The following VOPP1 variants were observed in gnomAD, a reference collection of about 807,000 sequenced individuals.
The protein encoded by VOPP1 is VOPP1 WW domain binding protein, also known as WW domain binding protein VOPP1.
A neutral mutation model predicts 23.5 loss-of-function variants in VOPP1; 8 were observed. That is an observed-to-expected ratio of 0.34 (90% CI 0.20 to 0.61). The LOEUF (loss-of-function observed/expected upper bound fraction) is 0.61. Ranked by LOEUF, VOPP1 falls within the 20% of genes least tolerant of loss-of-function variation. VOPP1 has a pLI of 0.78. For missense variants in VOPP1, 174 were observed against 238.1 expected (o/e 0.73, Z 1.77); for synonymous variants, 83 against 97.3 (o/e 0.85, Z 0.86).
chr7:55,526,815 G>T (rs1270306606), intron 1 of VOPP1: 1 of 152,270 alleles, frequency 6.6e-6, no homozygotes, highest in Non-Finnish European at 1.5e-5. Context: ...GAAGTCCAGG[G>T]TTTGCTTCAG....
At chr7:55,528,760 G>A (rs907783608) in intron 1 of VOPP1, among the ~76,000 whole-genome samples, 2 of 151,926 alleles carry the variant, frequency 1.3e-5, no homozygotes, top group Non-Finnish European at 2.9e-5. Context: ...AGCTAGGAAT[G>A]AAATAAAAAT....
In VOPP1 at chr7:55,518,393, G is replaced by C. The variant is rs112224046; in HGVS notation, c.113+2679C>G. 5.4e-3 allele frequency among the ~76,000 whole-genome samples: 818 copies of C among 152,340 alleles called. 4 individuals are homozygous for C. Among genetic ancestry groups the C allele is most frequent in the Middle Eastern group, 0.024 (7 of 294 alleles). On this transcript the variant is annotated intron_variant, in intron 2 of 4. Transcript: ENST00000285279. ...AAATATGTGAACTCTGCACGAACAT[G>C]ATTGCAAACATCAGGTGCTACACAC...
intron 1 of VOPP1, among the ~76,000 whole-genome samples, chr7:55,544,491 C>A (rs781756557): frequency 6.6e-6 from 1 of 152,142 alleles, no homozygotes; most frequent in Non-Finnish European, 1.5e-5. Context: ...ATGAAAAAAA[C>A]TTGCGAGAAA....
At chr7:55,564,945 C>A (rs1340344028) in intron 1 of VOPP1, among the ~76,000 whole-genome samples, 6 of 152,134 alleles carry the variant, frequency 3.9e-5, no homozygotes, top group African/African-American at 1.4e-4. Context: ...TCCTAACGAC[C>A]ACCAGATATG....
rs1295804049 is a variant in VOPP1, at chr7:55,471,866, C to G, written c.*989G>C. 4.6e-5 allele frequency: 7 copies of G among 152,004 alleles called. No individual in the cohort carries two copies. Among genetic ancestry groups the G allele is most frequent in the Non-Finnish European group, 8.8e-5 (6 of 68,038 alleles). The allele number at this position is 152,004 out of a possible 1,614,324, so 9.4% of individuals were successfully genotyped here. ...GAGACGCCTCAGCTGGTCTCTCTCC[C>G]TGGAAGAGTCCATGTGACTTCCCAG... On this transcript the variant is annotated 3_prime_UTR_variant, in exon 5 of 5. Transcript: ENST00000285279.
At chr7:55,448,647 G>C (rs1380280589) in intron 4 of VOPP1, among the ~76,000 whole-genome samples, 1 of 152,166 alleles carries the variant, frequency 6.6e-6, no homozygotes, top group Admixed American at 6.5e-5. Context: ...CCACACCCAG[G>C]CTCCAGAAAG....
chr7:55,525,330 T>C (rs1796111460), intron 1 of VOPP1, among the ~76,000 whole-genome samples: 1 of 151,530 alleles, frequency 6.6e-6, no homozygotes, highest in East Asian at 1.9e-4. Flanking sequence ...GTACTAAAAG[T>C]ACAAAAAAAT....
intron 1 of VOPP1, among the ~76,000 whole-genome samples, chr7:55,544,265 A>G (rs764884078): frequency 6.6e-6 from 1 of 152,232 alleles, no homozygotes; most frequent in African/African-American, 2.4e-5. Context: ...TCTGTAAAAC[A>G]CATTCTTAAA....
At chr7:55,542,746 T>C (rs1473652163) in intron 1 of VOPP1, among the ~76,000 whole-genome samples, 4 of 150,576 alleles carry the variant, frequency 2.7e-5, no homozygotes, top group South Asian at 4.2e-4. Context: ...ACCGAGATCG[T>C]GCCATTGTAC....
chr7:55,525,789 TAAAAAAAA>T (rs141901865), intron 1 of VOPP1, among the ~76,000 whole-genome samples: 1 of 77,976 alleles, frequency 1.3e-5, no homozygotes, highest in Admixed American at 1.6e-4. Flanking sequence ...AAAACCTCTC[TAAAAAAAA>T]AAAAAAAAAA....
intron 1 of VOPP1, among the ~76,000 whole-genome samples, chr7:55,535,769 G>A (rs1257918792): frequency 4.6e-5 from 7 of 152,190 alleles, no homozygotes; most frequent in Non-Finnish European, 1.0e-4. Flanking sequence ...GTCCTAATGA[G>A]ACCATGGGAA....
intron 1 of VOPP1, among the ~76,000 whole-genome samples, chr7:55,568,068 G>C (rs996675006): frequency 2.1e-5 from 3 of 145,430 alleles, no homozygotes; most frequent in African/African-American, 7.6e-5. Context: ...CCCTCTCTAA[G>C]AGACAACTAT....
chr7:55,435,767 T>C (rs941397356), downstream of VOPP1, among the ~76,000 whole-genome samples: 5 of 152,180 alleles, frequency 3.3e-5, no homozygotes, highest in Admixed American at 2.6e-4. Flanking sequence ...TGTTCCCAGC[T>C]CCCTCTCCCG....
chr7:55,518,234 G>A (rs1473237579), intron 2 of VOPP1, among the ~76,000 whole-genome samples: 1 of 152,206 alleles, frequency 6.6e-6, no homozygotes, highest in Non-Finnish European at 1.5e-5. Context: ...GTGGAGGGAT[G>A]GGAAGGCTGG....
At chr7:55,503,179 G>A (rs910699779) in intron 2 of VOPP1, among the ~76,000 whole-genome samples, 2 of 152,180 alleles carry the variant, frequency 1.3e-5, no homozygotes, top group Non-Finnish European at 2.9e-5. Flanking sequence ...AGAGATAAAA[G>A]GGTGCCTGCC....
chr7:55,532,629 C>G (rs1179943380), intron 1 of VOPP1, among the ~76,000 whole-genome samples: 2 of 151,192 alleles, frequency 1.3e-5, no homozygotes, highest in African/African-American at 2.4e-5. Context: ...ACACTAGTTA[C>G]AACCACCAGC....
intron 4 of VOPP1, among the ~76,000 whole-genome samples, chr7:55,482,679 C>A (rs1165995633): frequency 6.6e-6 from 1 of 151,836 alleles, no homozygotes; most frequent in Non-Finnish European, 1.5e-5. Flanking sequence ...GTATTAGGCA[C>A]CCAGCCTTCA....
intron 1 of VOPP1, among the ~76,000 whole-genome samples, chr7:55,569,428 C>T (rs1397982414): frequency 6.6e-6 from 1 of 152,206 alleles, no homozygotes; most frequent in African/African-American, 2.4e-5. Context: ...CCACTGCCCT[C>T]GCGATGTAGA....
At chr7:55,467,285 G>T (rs1244058365), downstream of VOPP1, among the ~76,000 whole-genome samples, 1 of 152,220 alleles carries the variant, frequency 6.6e-6, no homozygotes, top group Non-Finnish European at 1.5e-5. Context: ...TTTAATTCCT[G>T]CAGCCAGCTG....
Sources: allele counts gnomAD v4.1 joint callset (sites outside exome capture counted in the v4.1 genomes callset), GRCh38; gene constraint gnomAD v4.1.1; transcripts MANE v1.5; gene names NCBI Gene and HGNC (gene_info 2026-07-23, HGNC 2026-07-21).